Variants in CCDC30 observed in about 807,000 individuals in gnomAD.
CCDC30 encodes the protein coiled-coil domain-containing protein 30.
Under a neutral mutation model 100.2 loss-of-function variants are expected in CCDC30, and 70 were observed. The observed-to-expected ratio is 0.70, with a 90% CI of 0.58 to 0.85. The LOEUF (loss-of-function observed/expected upper bound fraction) is 0.85, where lower values mean the gene tolerates loss of function less well. CCDC30 is among the 40% of genes least tolerant of loss of function. The pLI, the probability that CCDC30 is intolerant of heterozygous loss-of-function variation, is 0.00. For synonymous variants in CCDC30, 233 were observed against 269.5 expected, an observed-to-expected ratio of 0.86 and a Z score of 1.33; for missense variants, 652 against 771.2, an observed-to-expected ratio of 0.85 and a Z score of 1.83.
At chr1:42,538,994 TAGGTA>T (rs1315366209) in intron 6 of CCDC30, among the ~76,000 whole-genome samples, 174 bp from the exon 8 acceptor site, 1 of 152,224 alleles carries the variant, frequency 6.6e-6, no homozygotes, top group Non-Finnish European at 1.5e-5. Flanking sequence ...TTAATTGATT[TAGGTA>T]AACTTTGTTT....
At chr1:42,597,675 AC>A (rs1646317214) in intron 10 of CCDC30, among the ~76,000 whole-genome samples, 1 of 151,980 alleles carries the variant, frequency 6.6e-6, no homozygotes, top group Admixed American at 6.6e-5. Context: ...GGTGGTGCAC[AC>A]CTGTGGTCCC....
intron 10 of CCDC30, among the ~76,000 whole-genome samples, chr1:42,607,370 A>G (rs924150379): frequency 6.6e-6 from 1 of 152,190 alleles, no homozygotes; most frequent in Non-Finnish European, 1.5e-5. Context: ...TCAAGAAAAC[A>G]GGAGATGCAG....
At chr1:42,557,714 T>TTTTATTTATATTAAATATA (rs1479151499) in intron 6 of CCDC30, among the ~76,000 whole-genome samples, 1 of 147,606 alleles carries the variant, frequency 6.8e-6, no homozygotes. Context: ...AAATAAAATA[T>TTTTATTTATATTAAATATA]GTAAATAATA....
intron 6 of CCDC30, among the ~76,000 whole-genome samples, chr1:42,534,489 A>T (rs1305740238): frequency 6.6e-6 from 1 of 152,202 alleles, no homozygotes. Context: ...TGTCCATACC[A>T]CTGGACAGGA....
intron 10 of CCDC30, among the ~76,000 whole-genome samples, chr1:42,600,364 C>A (rs867411424): frequency 3.3e-5 from 5 of 152,090 alleles, no homozygotes; most frequent in East Asian, 3.9e-4. Flanking sequence ...GATTTTAATA[C>A]CCCTCTATCA....
chr1:42,473,428 G>C (rs905434610), intron 1 of CCDC30: 3 of 478,160 alleles, frequency 6.3e-6, no homozygotes, highest in Non-Finnish European at 9.9e-6. Flanking sequence ...CCCACGTGTA[G>C]ACCTTTTTTT....
chr1:42,651,700 CA>C (rs899746469), intron 15 of CCDC30, among the ~76,000 whole-genome samples: 4 of 151,652 alleles, frequency 2.6e-5, no homozygotes, highest in Non-Finnish European at 5.9e-5. Context: ...CCTGTATCTA[CA>C]AAAAAAAATT....
intron 6 of CCDC30, among the ~76,000 whole-genome samples, chr1:42,530,026 A>G (rs1190518630): frequency 1.3e-5 from 2 of 152,212 alleles, no homozygotes; most frequent in East Asian, 3.8e-4. Context: ...CGACCAGTGC[A>G]CCTACAACAT....
At chr1:42,459,844 T>C (rs780467070), upstream of CCDC30, 144 of 1,613,966 alleles carry the variant, frequency 8.9e-5, no homozygotes, top group South Asian at 7.6e-4. Flanking sequence ...GAGGAAGAAA[T>C]AGAAAAAGGC....
intron 11 of CCDC30, among the ~76,000 whole-genome samples, chr1:42,611,370 C>T (rs1217413525): frequency 6.6e-6 from 1 of 152,068 alleles, no homozygotes; most frequent in Non-Finnish European, 1.5e-5. Flanking sequence ...TCTCACTTGC[C>T]TTCACACTTT....
intron 10 of CCDC30, chr1:42,590,830 G>A (rs2148609074): frequency 6.6e-6 from 1 of 152,322 alleles, no homozygotes; most frequent in East Asian, 1.9e-4. Flanking sequence ...GTGAAGGCCA[G>A]CCTAGTGAGG....
intron 10 of CCDC30, among the ~76,000 whole-genome samples, chr1:42,607,684 T>G (rs1646530515): frequency 6.6e-6 from 1 of 151,694 alleles, no homozygotes; most frequent in South Asian, 2.1e-4. Flanking sequence ...GGACATGTAT[T>G]AGTAAGGAAA....
Position 42,523,232 on chromosome 1 carries a change from T to TA in CCDC30, c.456+24317dup, listed in dbSNP as rs542866393. On this transcript the variant is annotated intron_variant, in intron 6 of 16. Coordinates refer to ENST00000668663, the Ensembl canonical transcript of CCDC30. ...TCTACTGTCCTTTCATTTCAACCTG[T>TA]AGGTCTCCTTTTAGCATTTCTTGAA... 5.2e-3 allele frequency among the ~76,000 whole-genome samples: 792 copies of TA among 152,334 alleles called. 8 individuals are homozygous for TA. Among genetic ancestry groups the TA allele is most frequent in the African/African-American group, 0.018 (765 of 41,576 alleles).
chr1:42,573,442 A>T (rs1056907891), intron 7 of CCDC30, among the ~76,000 whole-genome samples: 7 of 152,164 alleles, frequency 4.6e-5, no homozygotes, highest in Non-Finnish European at 8.8e-5. Context: ...AAAATATATA[A>T]TCATTTTCTA....
At position 42,495,812 on chromosome 1, in the gene CCDC30, C is replaced by G. The variant is rs575839362; in HGVS notation, c.242-1286C>G. On this transcript the variant is annotated intron_variant, in intron 4 of 16. Coordinates refer to ENST00000668663, the Ensembl canonical transcript of CCDC30. ...GGAATTATTTAAGGAATAAATAATA[C>G]TAAATTTACATAATTTCTTCCAGAA... 2.6e-5 allele frequency among the ~76,000 whole-genome samples: 4 copies of G among 152,274 alleles called. No individual in the cohort carries two copies. The South Asian group carries it at 8.3e-4, about 32-fold the overall frequency.
chr1:42,614,823 C>G (rs901890136), intron 11 of CCDC30, among the ~76,000 whole-genome samples: 1 of 151,904 alleles, frequency 6.6e-6, no homozygotes, highest in African/African-American at 2.4e-5. Context: ...TTTCTACTGT[C>G]CTTTAAAAGT....
At chr1:42,462,816 T>G (rs1017249360), upstream of CCDC30, among the ~76,000 whole-genome samples, 4 of 152,196 alleles carry the variant, frequency 2.6e-5, no homozygotes, top group Admixed American at 6.5e-5. Flanking sequence ...CAAGCCCAGT[T>G]TCTTCCTTTT....
At position 42,556,421 on chromosome 1, in the gene CCDC30, A is replaced by T. The variant is rs1645371321; in HGVS notation, c.457-9875A>T. ...TGGTGCCCAGGTAGGTGCTATAAAC[A>T]CATGCCCTGACTGGGTTCGTTTCCT... On this transcript the variant is annotated intron_variant, in intron 6 of 16. Coordinates refer to ENST00000668663, the Ensembl canonical transcript of CCDC30. The T allele has an allele frequency of 6.3e-7, 1 of 1,576,194 alleles. No individual in the cohort carries two copies. The highest frequency in any genetic ancestry group is 1.9e-5 in the Admixed American group (1 of 53,494).
chr1:42,465,566 G>A (rs1419307650), intron 1 of CCDC30, among the ~76,000 whole-genome samples: 3 of 152,028 alleles, frequency 2.0e-5, no homozygotes, highest in African/African-American at 7.3e-5. Context: ...GTTTCTCCAC[G>A]TTGGTCAGGC....
Sources: gnomAD v4.1 joint callset for allele counts (sites outside exome capture counted in the v4.1 genomes callset) on GRCh38, gnomAD v4.1.1 for gene constraint, MANE v1.5 for transcripts, NCBI Gene and HGNC (gene_info 2026-07-23, HGNC 2026-07-21) for gene names.